Variants in DLG5 observed in about 807,000 individuals in gnomAD.
DLG5 encodes discs large MAGUK scaffold protein 5.
DLG5 carries 48 observed loss-of-function variants against 189.8 expected under a neutral mutation model. The ratio of observed to expected loss-of-function variants is 0.25; its 90% CI spans 0.20 to 0.32. The LOEUF (loss-of-function observed/expected upper bound fraction) is 0.32. DLG5 is among the 10% of genes least tolerant of loss of function. The pLI is 1.00. For synonymous variants in DLG5, 1,016 were observed against 1,054.1 expected (o/e 0.96, Z 0.70); for missense variants, 2,160 against 2,544.7 (o/e 0.85, Z 3.25).
rs767482851 is a variant in DLG5, at chr10:77,821,791, T to A, written c.2693A>T (p.Asp898Val). The A allele has an allele frequency of 1.5e-5, 24 of 1,611,542 alleles. No homozygotes were observed. In the South Asian group the frequency reaches 2.6e-4, roughly 18 times the overall value. ...CCCAAAGCCACGGTCCCCAGAGGCA[T>A]CTGAGCGGAAGGAGCTCAGGCTACG... ...SERSLSSFRS[D>V]ASGDRGFGLV... is the part of the protein sequence containing the mutation. Residue 898 changes from aspartate (D) to valine (V), a missense_variant, in exon 15 of 32, where the codon GAT becomes GTT. Asp to Val is a radical substitution (Grantham distance 152, BLOSUM62 -3). Around this residue, in one of 5 missense-constraint regions of DLG5, gnomAD observed 754 missense variants for 746.5 expected, o/e 1.01. Coordinates refer to ENST00000372391, the MANE Select transcript of DLG5 (RefSeq NM_004747.4).
rs772349913 is a variant in DLG5, at chr10:77,835,927, T to C, written c.1438-5A>G. ...CATTGTCACCGTGTCTTTGATCTGG[T>C]GGGAGCAAGGGGCAGGAAGAGGGAG... On this transcript the variant is annotated splice_polypyrimidine_tract_variant and splice_region_variant and intron_variant, in intron 7 of 31. Transcript: ENST00000372391. 1 of 1,610,250 alleles carries C rather than the reference T, an allele frequency of 6.2e-7. No individual in the cohort carries two copies. Among genetic ancestry groups the C allele is most frequent in the Non-Finnish European group, 8.5e-7 (1 of 1,177,008 alleles).
chr10:77,799,016 CT>C (rs1369382457), intron 27 of DLG5, among the ~76,000 whole-genome samples: 2 of 152,164 alleles, frequency 1.3e-5, no homozygotes, highest in African/African-American at 4.8e-5. Context: ...CATATTCTCC[CT>C]TAATGATTAC....
intron 5 of DLG5, among the ~76,000 whole-genome samples, chr10:77,844,446 T>C (rs1843584807): frequency 1.3e-5 from 2 of 152,216 alleles, no homozygotes; most frequent in Admixed American, 1.3e-4. Context: ...ACTGAATCTT[T>C]TGAGTCCTCC....
At chr10:77,878,855 C>T (rs1196499396) in intron 1 of DLG5, among the ~76,000 whole-genome samples, 1 of 152,214 alleles carries the variant, frequency 6.6e-6, no homozygotes, top group African/African-American at 2.4e-5. Context: ...CCAGTCCTGG[C>T]TCCCACCACC....
chr10:77,826,144 A>G (rs541627583), intron 13 of DLG5, among the ~76,000 whole-genome samples: 24 of 151,656 alleles, frequency 1.6e-4, no homozygotes, highest in Non-Finnish European at 3.4e-4. Flanking sequence ...AGCAAACCCC[A>G]CCCCCAGGAA....
chr10:77,934,548 G>C, the DLG5 span, among the ~76,000 whole-genome samples: 4 of 152,156 alleles, frequency 2.6e-5, no homozygotes, highest in African/African-American at 7.2e-5. Flanking sequence ...AGCATGAGAA[G>C]GATTTGACTG....
Position 77,796,136 on chromosome 10 carries a change from C to T in DLG5, c.5361G>A (p.Leu1787=), listed in dbSNP as rs1262549641. 6.2e-7 allele frequency: 1 copy of T among 1,614,210 alleles called. No homozygotes were observed. The highest frequency in any genetic ancestry group is 8.5e-7 in the Non-Finnish European group (1 of 1,180,038). The change falls in exon 29 of 32, where the codon CTG becomes CTA. Residue 1787 remains leucine, a synonymous_variant. Transcript: ENST00000372391. This position sits in a 1 kb window ranked among gnomAD's most constrained non-coding sequence, Gnocchi z 5.2. ...CGCTTCTCCGCTTATAGTCGACAAACAGGCAATCTTTGACACCCCGCTCAA... is the reference window on the plus strand; with the variant it reads ...CGCTTCTCCGCTTATAGTCGACAAATAGGCAATCTTTGACACCCCGCTCAA... The part of the protein sequence containing the change: ...QAIERGVKDC[L]FVDYKRRSGH...
At chr10:77,856,110 C>G (rs761159038) in intron 3 of DLG5, among the ~76,000 whole-genome samples, 2 of 151,720 alleles carry the variant, frequency 1.3e-5, no homozygotes, top group Non-Finnish European at 2.9e-5. Context: ...TCTGGGAGGC[C>G]AAGGCAGGAG....
At chr10:77,882,155 C>T (rs942713088) in intron 1 of DLG5, among the ~76,000 whole-genome samples, 3 of 152,176 alleles carry the variant, frequency 2.0e-5, no homozygotes, top group Non-Finnish European at 2.9e-5. Context: ...AGTTTGAACT[C>T]GTCAGGACCC....
At chr10:77,806,135 G>A (rs1279435649) in intron 26 of DLG5, 3 of 435,712 alleles carry the variant, frequency 6.9e-6, no homozygotes, top group Non-Finnish European at 1.2e-5. Flanking sequence ...GAACTGCTAG[G>A]ACAGCCTTCA....
At chr10:77,836,392 C>T (rs1389947661) in intron 7 of DLG5, among the ~76,000 whole-genome samples, 5 of 152,082 alleles carry the variant, frequency 3.3e-5, no homozygotes, top group African/African-American at 9.7e-5. Flanking sequence ...CAAGTGTTTA[C>T]TGCAAGAATA....
At chr10:77,824,340 C>G (rs747918277) in intron 14 of DLG5, 44 bp downstream of exon 14, 1 of 1,464,924 alleles carries the variant, frequency 6.8e-7, no homozygotes, top group Non-Finnish European at 9.5e-7. Context: ...CGGGGCTCTG[C>G]CCATACTCCT....
intron 1 of DLG5, among the ~76,000 whole-genome samples, chr10:77,914,588 C>A (rs144375944): frequency 2.4e-4 from 37 of 152,272 alleles, no homozygotes; most frequent in African/African-American, 8.9e-4. Context: ...ATTCAGATGT[C>A]TCCAGTCCCG....
Position 77,811,116 on chromosome 10 carries a change from G to A in DLG5, c.4441C>T (p.Pro1481Ser). 2 of 1,612,044 alleles carry A rather than the reference G, an allele frequency of 1.2e-6. No homozygotes were observed. The highest frequency in any genetic ancestry group is 2.7e-5 in the African/African-American group (2 of 74,968). The change falls in exon 23 of 32, where the codon CCA (proline) becomes TCA (serine). Residue 1481 changes from proline to serine, a missense_variant. Physicochemically the swap from Pro to Ser is moderately conservative, Grantham distance 74. Transcript: ENST00000372391. ...MEQDEGPSTP[P>S]AKQSSSRIAG... is the part of the protein sequence containing the mutation. ...GACCTGGAGCTGCTCTGCTTGGCTG[G>A]GGGGGTGCTAGGCCCCTCGTCCTGC...
chr10:77,922,321 T>C (rs1241033107), intron 1 of DLG5, among the ~76,000 whole-genome samples: 1 of 151,518 alleles, frequency 6.6e-6, no homozygotes, highest in Non-Finnish European at 1.5e-5. Flanking sequence ...TTTCCCCAAA[T>C]CAAAGGGAAA....
At chr10:77,835,114 C>A (rs1208806927) in intron 8 of DLG5, among the ~76,000 whole-genome samples, 1 of 152,140 alleles carries the variant, frequency 6.6e-6, no homozygotes, top group Non-Finnish European at 1.5e-5. Context: ...CTGCCCTCCC[C>A]ACGACTTGCC....
At chr10:77,830,561 T>C (rs1842849791) in intron 10 of DLG5, among the ~76,000 whole-genome samples, 180 bp downstream of exon 10, 1 of 152,184 alleles carries the variant, frequency 6.6e-6, no homozygotes, top group Non-Finnish European at 1.5e-5. Flanking sequence ...CCGAGGACCC[T>C]GCCCTTCCCC....
At position 77,817,035 on chromosome 10, in the gene DLG5, A is replaced by T; in HGVS notation, c.3846T>A (p.Tyr1282Ter). 1 of 1,614,120 alleles carries T rather than the reference A, an allele frequency of 6.2e-7. No individual in the cohort carries two copies. The highest frequency in any genetic ancestry group is 8.5e-7 in the Non-Finnish European group (1 of 1,180,044). Residue 1282 changes from tyrosine (Y) to a stop codon, truncating the protein, a stop_gained, in exon 19 of 32, where the codon TAT becomes TAA. Coordinates refer to ENST00000372391, the MANE Select transcript of DLG5 (RefSeq NM_004747.4). LOFTEE classifies it high-confidence loss of function. ...ERIKIPSTPRYPRSVVGSERG... is the reference protein window; with the variant it reads ...ERIKIPSTPR Reference sequence around the variant, plus strand: ...TCTCGGAGCCCACGACACTCCGCGGATATCTTGGTGTTGATGGGATTTTAA... The same window carrying T: ...TCTCGGAGCCCACGACACTCCGCGGTTATCTTGGTGTTGATGGGATTTTAA...
chr10:77,806,724 G>GCCCCCCCCC, intron 26 of DLG5, 34 bp downstream of exon 26: 8 of 1,016,152 alleles, frequency 7.9e-6, no homozygotes, highest in East Asian at 5.9e-5. Context: ...GGCGACCCCT[G>GCCCCCCCCC]CCCCACCCCA....
Sources: gnomAD v4.1 joint callset for allele counts (sites outside exome capture counted in the v4.1 genomes callset) on GRCh38, gnomAD v4.1.1 for gene constraint, gnomAD v4.1.1 regional missense constraint, Gnocchi (gnomAD v3.1) non-coding constraint, MANE v1.5 for transcripts, NCBI Gene and HGNC (gene_info 2026-07-23, HGNC 2026-07-21) for gene names.